Variants in REEP1 observed in about 807,000 individuals in gnomAD.
The protein encoded by REEP1 is receptor accessory protein 1, also known as receptor expression-enhancing protein 1.
Under a neutral mutation model 40.3 loss-of-function variants are expected in REEP1, and 22 were observed. That is an observed-to-expected ratio of 0.55 (90% CI 0.39 to 0.78). The LOEUF (loss-of-function observed/expected upper bound fraction) is 0.78, where lower values mean the gene tolerates loss of function less well. REEP1 is among the 30% of genes least tolerant of loss of function. The probability of loss-of-function intolerance (pLI) is 0.00; values close to 1 mark genes in which losing one functional copy is unlikely to be tolerated. For synonymous variants in REEP1, 116 were observed against 139.2 expected, an observed-to-expected ratio of 0.83 and a Z score of 1.17; for missense variants, 280 against 361.1, an observed-to-expected ratio of 0.78 and a Z score of 1.82.
chr2:86,218,025 T>G (rs552697115), intron 8 of REEP1, among the ~76,000 whole-genome samples: 4 of 152,234 alleles, frequency 2.6e-5, no homozygotes, highest in Admixed American at 2.0e-4. Context: ...CTTCTCTGTA[T>G]ACACAGAGAA....
intron 2 of REEP1, among the ~76,000 whole-genome samples, chr2:86,273,282 C>CT (rs1191260583): frequency 3.2e-3 from 440 of 138,762 alleles, no homozygotes; most frequent in Middle Eastern, 7.5e-3. Flanking sequence ...TGGCCCCTAC[C>CT]TTTTTTTTTT....
chr2:86,297,000 CT>C (rs1262706102), intron 1 of REEP1, among the ~76,000 whole-genome samples: 1 of 152,248 alleles, frequency 6.6e-6, no homozygotes, highest in Non-Finnish European at 1.5e-5. Context: ...GATCTACCCC[CT>C]CCCTCAGCAT....
chr2:86,303,002 A>T (rs1192871504), intron 1 of REEP1, among the ~76,000 whole-genome samples: 1 of 152,070 alleles, frequency 6.6e-6, no homozygotes, highest in Non-Finnish European at 1.5e-5. Flanking sequence ...TCACACCCAT[A>T]ATGAATGCTC....
At chr2:86,295,701 A>C (rs1388135904) in intron 1 of REEP1, among the ~76,000 whole-genome samples, 1 of 151,978 alleles carries the variant, frequency 6.6e-6, no homozygotes, top group Non-Finnish European at 1.5e-5. Flanking sequence ...CACCACGCCC[A>C]GCTAATTTTT....
At chr2:86,294,940 A>G (rs1207540201) in intron 1 of REEP1, among the ~76,000 whole-genome samples, 1 of 152,190 alleles carries the variant, frequency 6.6e-6, no homozygotes, top group Non-Finnish European at 1.5e-5. Flanking sequence ...GGGTGGGACT[A>G]TGTCCCACCT....
intron 1 of REEP1, among the ~76,000 whole-genome samples, chr2:86,284,674 A>T (rs1029770896): frequency 5.3e-5 from 8 of 152,326 alleles, no homozygotes; most frequent in Admixed American, 6.5e-5. Context: ...GCCCTGGGAC[A>T]GCATGTGAGC....
chr2:86,256,502 A>T (rs1676570947), intron 3 of REEP1, among the ~76,000 whole-genome samples: 1 of 152,072 alleles, frequency 6.6e-6, no homozygotes, highest in African/African-American at 2.4e-5. Context: ...CCAGGGCTAG[A>T]CAACCAGAGA....
chr2:86,284,115 G>C (rs144119860), intron 1 of REEP1, among the ~76,000 whole-genome samples: 1 of 151,852 alleles, frequency 6.6e-6, no homozygotes, highest in African/African-American at 2.4e-5. Context: ...TTTGGTCATC[G>C]CCCCCTTGGT....
intron 1 of REEP1, among the ~76,000 whole-genome samples, chr2:86,301,393 G>T (rs1453279683): frequency 6.6e-6 from 1 of 152,232 alleles, no homozygotes. Context: ...GTCAGACATA[G>T]ATTCTCATCT....
Position 86,300,626 on chromosome 2 carries a change from G to A in REEP1, c.33-18384C>T, listed in dbSNP as rs118190311. Among the ~76,000 whole-genome samples the A allele has an allele frequency of 1.2e-3, 181 of 152,258 alleles. 3 individuals carry two copies. The East Asian group carries it at 0.032, about 27-fold the overall frequency. On this transcript the variant is annotated intron_variant, in intron 1 of 8. Coordinates refer to ENST00000538924, the MANE Select transcript of REEP1 (RefSeq NM_001371279.1). ...CAGATAAGTGAGACCAGGGCCCAGG[G>A]AAGGCTTCCCAACTGCCTTCCAGGT...
intron 1 of REEP1, among the ~76,000 whole-genome samples, chr2:86,315,878 G>A (rs74696707): frequency 0.059 from 8,993 of 152,240 alleles, 860 homozygotes; most frequent in African/African-American, 0.2. Context: ...ACAAGTATGT[G>A]ACCAAAATCA....
intron 1 of REEP1, among the ~76,000 whole-genome samples, chr2:86,296,164 C>T (rs936068976): frequency 2.0e-5 from 3 of 152,204 alleles, no homozygotes; most frequent in Admixed American, 6.5e-5. Context: ...AAAAGGAAAG[C>T]TTCACACTTT....
rs887202980 is a variant in REEP1, at chr2:86,228,779, A to G, written c.596-1381T>C. Among the ~76,000 whole-genome samples, 4 of 152,196 alleles carry G rather than the reference A, an allele frequency of 2.6e-5. No individual in the cohort carries two copies. In the South Asian group the frequency reaches 6.2e-4, roughly 24 times the overall value. Reference sequence around the variant, plus strand: ...GGCAACCCTTTTTATGTGCCTTTACATGACTTTTATTCCCACACCCCACTC... The same window carrying G: ...GGCAACCCTTTTTATGTGCCTTTACGTGACTTTTATTCCCACACCCCACTC... On this transcript the variant is annotated intron_variant, in intron 6 of 8. Transcript: ENST00000538924.
chr2:86,271,393 G>T (rs1677440696), intron 2 of REEP1, among the ~76,000 whole-genome samples: 1 of 151,270 alleles, frequency 6.6e-6, no homozygotes, highest in South Asian at 2.1e-4. Context: ...AAGCAGAGAG[G>T]ATGCAAAGAT....
At chr2:86,335,857 A>T (rs1315508672) in intron 1 of REEP1, among the ~76,000 whole-genome samples, 1 of 149,276 alleles carries the variant, frequency 6.7e-6, no homozygotes, top group Non-Finnish European at 1.5e-5. Context: ...TCTCAAAAAA[A>T]AAAAAAAAAA....
intron 1 of REEP1, among the ~76,000 whole-genome samples, chr2:86,307,351 A>G (rs1481073644): frequency 6.6e-6 from 1 of 152,242 alleles, no homozygotes; most frequent in Non-Finnish European, 1.5e-5. Flanking sequence ...TGTCTAACAA[A>G]TAGAGGCATG....
At chr2:86,251,547 C>T (rs2303359) in intron 5 of REEP1, 147,869 of 279,620 alleles carry the variant, frequency 0.53, 39,865 homozygotes, top group East Asian at 0.67. Flanking sequence ...TGCATTTAGG[C>T]GACTCTCCCA....
intron 5 of REEP1, among the ~76,000 whole-genome samples, chr2:86,236,498 T>G (rs1675329857): frequency 6.6e-6 from 1 of 152,094 alleles, no homozygotes; most frequent in African/African-American, 2.4e-5. Context: ...CATAATTCCA[T>G]GAGCCACATT....
At chr2:86,296,918 T>C (rs1283018733) in intron 1 of REEP1, among the ~76,000 whole-genome samples, 5 of 152,148 alleles carry the variant, frequency 3.3e-5, no homozygotes, top group Admixed American at 6.5e-5. Flanking sequence ...CTCATGCAAA[T>C]TGTAACACAA....
Sources: gnomAD v4.1 joint callset for allele counts (sites outside exome capture counted in the v4.1 genomes callset) on GRCh38, gnomAD v4.1.1 for gene constraint, MANE v1.5 for transcripts, NCBI Gene and HGNC (gene_info 2026-07-23, HGNC 2026-07-21) for gene names.